SEC13: variants seen among roughly 807,000 people sequenced by gnomAD.
SEC13 encodes protein SEC13 homolog.
Under a neutral mutation model 49.2 loss-of-function variants are expected in SEC13, and 25 were observed. The observed-to-expected ratio is 0.51, with a 90% CI of 0.37 to 0.71. The LOEUF (loss-of-function observed/expected upper bound fraction) is 0.71, where lower values mean the gene tolerates loss of function less well. Among genes scored for constraint, SEC13 ranks in the 30% least tolerant of loss-of-function variants. The pLI is 0.00. For missense variants in SEC13, 383 were observed against 417.6 expected, an observed-to-expected ratio of 0.92 and a Z score of 0.72; for synonymous variants, 148 against 163.9, an observed-to-expected ratio of 0.90 and a Z score of 0.74.
intron 3 of SEC13, 145 bp from the exon 4 acceptor site, chr3:10,312,875 A>G (rs1250425710): frequency 5.3e-6 from 4 of 757,030 alleles, no homozygotes. Context: ...GCCATTGCAA[A>G]AGGGGTGCTC....
intron 6 of SEC13, 183 bp from the exon 7 acceptor site, chr3:10,305,339 G>C (rs1174213245): frequency 9.0e-7 from 1 of 1,108,544 alleles, no homozygotes; most frequent in Non-Finnish European, 1.3e-6. Flanking sequence ...AAAATGCTCT[G>C]CTTCCACAGC....
chr3:10,312,470 A>G (rs2125271184), intron 4 of SEC13, 109 bp downstream of exon 4: 3 of 1,349,342 alleles, frequency 2.2e-6, no homozygotes, highest in Non-Finnish European at 3.1e-6. Flanking sequence ...AAAGCTCAAG[A>G]GACAGACAAG....
intron 8 of SEC13, chr3:10,303,685 C>T (rs1047201914): frequency 1.8e-5 from 7 of 381,520 alleles, no homozygotes; most frequent in African/African-American, 1.4e-4. Flanking sequence ...TTCTTATACA[C>T]TTGCCTTTTT....
chr3:10,311,053 C>T (rs1273918542), intron 5 of SEC13, among the ~76,000 whole-genome samples: 6 of 151,764 alleles, frequency 4.0e-5, no homozygotes, highest in East Asian at 3.9e-4. Context: ...CAACTCCCAG[C>T]GGGGGCCCCT....
At chr3:10,305,828 G>A in intron 5 of SEC13, 136 bp from the exon 6 acceptor site, 1 of 849,812 alleles carries the variant, frequency 1.2e-6, no homozygotes, top group Non-Finnish European at 1.8e-6. Flanking sequence ...ACTCATCATG[G>A]GGTCCACTGC....
intron 5 of SEC13, among the ~76,000 whole-genome samples, chr3:10,308,283 G>C (rs909266778): frequency 3.3e-5 from 5 of 152,074 alleles, no homozygotes; most frequent in African/African-American, 1.2e-4. Flanking sequence ...CTGCTCAGCT[G>C]CATTTCCTAG....
chr3:10,312,482 G>A (rs1701336261), intron 4 of SEC13, 97 bp downstream of exon 4: 1 of 1,423,510 alleles, frequency 7.0e-7, no homozygotes, highest in Non-Finnish European at 9.6e-7. Context: ...ACAGACAAGA[G>A]GCACCACGAG....
At chr3:10,319,718 C>T (rs1027876884) in intron 1 of SEC13, among the ~76,000 whole-genome samples, 5 of 136,594 alleles carry the variant, frequency 3.7e-5, no homozygotes, top group East Asian at 2.2e-4. Context: ...TAATTCTAAC[C>T]ACTCTCACCC....
chr3:10,311,332 T>C (rs1701240342), intron 5 of SEC13, among the ~76,000 whole-genome samples: 1 of 152,080 alleles, frequency 6.6e-6, no homozygotes, highest in Admixed American at 6.5e-5. Flanking sequence ...AAAGAATAGA[T>C]ACAAATTATT....
At chr3:10,307,674 T>A (rs180952862) in intron 5 of SEC13, among the ~76,000 whole-genome samples, 3 of 152,188 alleles carry the variant, frequency 2.0e-5, no homozygotes, top group Admixed American at 1.3e-4. Context: ...CCTCCTCCCA[T>A]GACTCAACTC....
At chr3:10,305,999 A>ATAAAG in intron 5 of SEC13, 1 of 219,536 alleles carries the variant, frequency 4.6e-6, no homozygotes, top group Non-Finnish European at 9.1e-6. Context: ...ATCTTTTATT[A>ATAAAG]TAAAGTAATA....
chr3:10,308,238 C>G (rs532470514), intron 5 of SEC13, among the ~76,000 whole-genome samples: 36 of 152,314 alleles, frequency 2.4e-4, no homozygotes, highest in Non-Finnish European at 4.4e-4. Context: ...ATCCATCTCC[C>G]CATCCTGCAG....
chr3:10,305,745 GCA>G, intron 5 of SEC13, 53 bp from the exon 6 acceptor site: 1 of 1,604,788 alleles, frequency 6.2e-7, no homozygotes, highest in Non-Finnish European at 8.5e-7. Context: ...CACTGCTTCT[GCA>G]GACCCAAGCC....
intron 2 of SEC13, among the ~76,000 whole-genome samples, chr3:10,317,833 C>G (rs1701699376): frequency 6.6e-6 from 1 of 152,146 alleles, no homozygotes; most frequent in South Asian, 2.1e-4. Context: ...TTCCTCCCAG[C>G]AGAGAGTGAT....
intron 5 of SEC13, chr3:10,306,042 A>AGATCT: frequency 5.4e-6 from 1 of 183,980 alleles, no homozygotes; most frequent in Non-Finnish European, 1.2e-5. Flanking sequence ...CACCTGCCTG[A>AGATCT]AAAGCCCTGT....
intron 2 of SEC13, among the ~76,000 whole-genome samples, chr3:10,317,155 T>C (rs780795527): frequency 2.6e-5 from 4 of 152,144 alleles, no homozygotes; most frequent in African/African-American, 9.7e-5. Context: ...CGTAAGTAAA[T>C]TGAGGCTGGC....
rs977581517 is a variant in SEC13, at chr3:10,305,662, C to T, written c.481G>A (p.Ala161Thr). ...IGCNAVSWAP[A>T]VVPGSLIDHP... ...TCTATGAGGCTTCCAGGTACAACAG[C>T]AGGGGCCCAGCTGACGGCATTGCAG... Residue 161 changes from alanine to threonine, a missense_variant, in exon 6 of 9, where the codon GCT (alanine) becomes ACT (threonine). Physicochemically the swap from Ala to Thr is moderately conservative, Grantham distance 58 (BLOSUM62 0). Transcript: ENST00000350697. The T allele has an allele frequency of 1.2e-6, 2 of 1,614,078 alleles. No homozygotes were observed. Among genetic ancestry groups the T allele is most frequent in the African/African-American group, 2.7e-5 (2 of 74,926 alleles).
At chr3:10,317,035 G>A (rs941772514) in intron 2 of SEC13, among the ~76,000 whole-genome samples, 1 of 150,206 alleles carries the variant, frequency 6.7e-6, no homozygotes, top group Non-Finnish European at 1.5e-5. Context: ...AAAGTACTTA[G>A]CATGGGGCCT....
chr3:10,312,155 C>T (rs1170185178), intron 4 of SEC13, 57 bp from the exon 5 acceptor site: 11 of 1,525,202 alleles, frequency 7.2e-6, no homozygotes, highest in East Asian at 2.5e-5. Flanking sequence ...CCCCAGGTCC[C>T]GCCTTCCACA....
Sources: gnomAD v4.1 joint callset for allele counts (sites outside exome capture counted in the v4.1 genomes callset) on GRCh38, gnomAD v4.1.1 for gene constraint, MANE v1.5 for transcripts, NCBI Gene and HGNC (gene_info 2026-07-23, HGNC 2026-07-21) for gene names.